Variants in KCNIP4 observed in about 807,000 individuals in gnomAD.
KCNIP4 encodes potassium voltage-gated channel interacting protein 4, also known as Kv channel-interacting protein 4.
Under a neutral mutation model 34.0 loss-of-function variants are expected in KCNIP4, and 12 were observed. The observed-to-expected ratio is 0.35, with a 90% CI of 0.23 to 0.57. The LOEUF (loss-of-function observed/expected upper bound fraction) is 0.57, where lower values mean the gene tolerates loss of function less well. Ranked by LOEUF, KCNIP4 falls within the 20% of genes least tolerant of loss-of-function variation. The pLI is 0.83. For missense variants in KCNIP4, 238 were observed against 311.7 expected (o/e 0.76, Z 1.78); for synonymous variants, 124 against 102.2 (o/e 1.21, Z -1.29).
intron 5 of KCNIP4, among the ~76,000 whole-genome samples, chr4:20,748,166 A>G (rs1437626194): frequency 2.0e-5 from 3 of 152,078 alleles, no homozygotes; most frequent in Admixed American, 6.6e-5. Flanking sequence ...AGATAGTCCA[A>G]TCTCCTGCCT....
At chr4:21,546,921 C>A (rs1738194811) in intron 1 of KCNIP4, among the ~76,000 whole-genome samples, 1 of 152,048 alleles carries the variant, frequency 6.6e-6, no homozygotes, top group South Asian at 2.1e-4. Context: ...AAAATTTATT[C>A]TTATCTGAAA....
chr4:20,816,772 A>G (rs1716438602), intron 3 of KCNIP4, among the ~76,000 whole-genome samples: 1 of 152,162 alleles, frequency 6.6e-6, no homozygotes, highest in African/African-American at 2.4e-5. Flanking sequence ...AAACCATTTG[A>G]ATTTTTCCGT....
At position 21,125,205 on chromosome 4, in the gene KCNIP4, T is replaced by TATTTTATTTTATTTTATTTTATTTTA. The variant is rs1553942136; in HGVS notation, c.62-242522_62-242497dup. Reference sequence around the variant, plus strand: ...TATTTTGTCTTATTTTATTTTATTTTATTTTATTTTATTTTATTTTATTTT... The same window carrying TATTTTATTTTATTTTATTTTATTTTA: ...TATTTTGTCTTATTTTATTTTATTTTATTTTATTTTATTTTATTTTATTTTAATTTTATTTTATTTTATTTTATTTT... On this transcript the variant is annotated intron_variant, in intron 1 of 8. Coordinates refer to ENST00000382152, the MANE Select transcript of KCNIP4 (RefSeq NM_025221.6). 2.1e-3 allele frequency among the ~76,000 whole-genome samples: 304 copies of TATTTTATTTTATTTTATTTTATTTTA among 144,828 alleles called. 8 individuals carry two copies. The highest frequency in any genetic ancestry group is 1.5e-3 in the Admixed American group (22 of 14,290).
At chr4:21,391,672 T>G (rs567022423) in intron 1 of KCNIP4, among the ~76,000 whole-genome samples, 1 of 152,220 alleles carries the variant, frequency 6.6e-6, no homozygotes, top group African/African-American at 2.4e-5. Context: ...AACCACAAGT[T>G]TCCCAGTGTC....
intron 1 of KCNIP4, among the ~76,000 whole-genome samples, chr4:20,929,820 GA>G (rs1328710831): frequency 1.3e-5 from 2 of 151,672 alleles, no homozygotes; most frequent in African/African-American, 4.8e-5. Context: ...CCATAAAGGT[GA>G]AATATTTGTA....
chr4:21,192,952 C>CTAA (rs147687940), intron 1 of KCNIP4, among the ~76,000 whole-genome samples: 6,085 of 145,038 alleles, frequency 0.042, 235 homozygotes, highest in Admixed American at 0.088. Flanking sequence ...ACTACTACTA[C>CTAA]TAATAATAAT....
chr4:20,836,961 T>C (rs1198153285), intron 3 of KCNIP4, among the ~76,000 whole-genome samples: 2 of 152,208 alleles, frequency 1.3e-5, no homozygotes, highest in East Asian at 1.9e-4. Flanking sequence ...CACACTCTAA[T>C]GTCTATCAGG....
intron 2 of KCNIP4, among the ~76,000 whole-genome samples, chr4:20,862,045 C>A (rs1294190132): frequency 6.6e-6 from 1 of 151,186 alleles, no homozygotes; most frequent in Non-Finnish European, 1.5e-5. Context: ...GGCTGGAGTG[C>A]AATAGTGTGG....
intron 1 of KCNIP4, among the ~76,000 whole-genome samples, chr4:21,578,481 G>A (rs1414596030): frequency 6.6e-6 from 1 of 151,870 alleles, no homozygotes; most frequent in African/African-American, 2.4e-5. Context: ...GACAAAACAT[G>A]GGCATTAACA....
chr4:21,820,128 A>C (rs1426241899), intron 1 of KCNIP4, among the ~76,000 whole-genome samples: 1 of 151,764 alleles, frequency 6.6e-6, no homozygotes, highest in East Asian at 1.9e-4. Flanking sequence ...AAAATATCAA[A>C]TGATCATAAA....
chr4:20,916,305 C>A, intron 1 of KCNIP4: 1 of 984,104 alleles, frequency 1.0e-6, no homozygotes, highest in Admixed American at 6.2e-5. Flanking sequence ...CTCAGAGTGG[C>A]TTTTTAGAAG....
intron 1 of KCNIP4, among the ~76,000 whole-genome samples, chr4:20,958,945 C>A (rs982122738): frequency 3.9e-5 from 6 of 152,146 alleles, no homozygotes; most frequent in Admixed American, 2.0e-4. Context: ...GGGGATTAAC[C>A]TTTACAGCTG....
intron 1 of KCNIP4, among the ~76,000 whole-genome samples, chr4:21,404,147 T>C (rs1723776423): frequency 6.6e-6 from 1 of 152,214 alleles, no homozygotes; most frequent in Non-Finnish European, 1.5e-5. Context: ...TCCCAGCAGA[T>C]ATCAGTAGCT....
At chr4:20,767,407 C>T (rs1578570059) in intron 3 of KCNIP4, 1 of 152,070 alleles carries the variant, frequency 6.6e-6, no homozygotes, top group African/African-American at 2.4e-5. Context: ...AAGTTTTCCC[C>T]AGCGATGCTT....
At chr4:21,259,755 T>C (rs1460568437) in intron 1 of KCNIP4, among the ~76,000 whole-genome samples, 1 of 152,144 alleles carries the variant, frequency 6.6e-6, no homozygotes, top group Non-Finnish European at 1.5e-5. Flanking sequence ...CTCAGCTCTT[T>C]GCAACTTGTC....
chr4:21,897,561 G>C (rs1441285067), intron 1 of KCNIP4, among the ~76,000 whole-genome samples: 1 of 152,032 alleles, frequency 6.6e-6, no homozygotes, highest in Non-Finnish European at 1.5e-5. Flanking sequence ...AAATAGGAAG[G>C]GGAAAAAGAT....
chr4:21,058,367 G>A (rs1237664231), intron 1 of KCNIP4, among the ~76,000 whole-genome samples: 2 of 152,104 alleles, frequency 1.3e-5, no homozygotes, highest in Non-Finnish European at 2.9e-5. Flanking sequence ...GGGCGCAAAG[G>A]AAGAAAACCT....
At chr4:21,801,089 G>A (rs1238243121) in intron 1 of KCNIP4, among the ~76,000 whole-genome samples, 3 of 152,148 alleles carry the variant, frequency 2.0e-5, no homozygotes, top group East Asian at 3.9e-4. Flanking sequence ...AGGAAACTAA[G>A]GTTCAGAGAC....
intron 3 of KCNIP4, among the ~76,000 whole-genome samples, chr4:20,825,387 G>C (rs1717633657): frequency 6.6e-6 from 1 of 152,036 alleles, no homozygotes; most frequent in South Asian, 2.1e-4. Flanking sequence ...TTAAGAGGAA[G>C]AGAAAGAACT....
Sources: allele counts gnomAD v4.1 joint callset (sites outside exome capture counted in the v4.1 genomes callset), GRCh38; gene constraint gnomAD v4.1.1; transcripts MANE v1.5; gene names NCBI Gene and HGNC (gene_info 2026-07-23, HGNC 2026-07-21).